The following ABCC5 variants were observed in gnomAD, a reference collection of about 807,000 sequenced individuals.
ABCC5 encodes ATP binding cassette subfamily C member 5.
A neutral mutation model predicts 160.9 loss-of-function variants in ABCC5; 61 were observed. The ratio of observed to expected loss-of-function variants is 0.38; its 90% CI spans 0.31 to 0.47. ABCC5 has a LOEUF of 0.47. ABCC5 is among the 20% of genes least tolerant of loss of function. The pLI, the probability that ABCC5 is intolerant of heterozygous loss-of-function variation, is 0.99. For synonymous variants in ABCC5, 666 were observed against 700.6 expected (o/e 0.95, Z 0.78); for missense variants, 1,308 against 1,813.3 (o/e 0.72, Z 5.06).
intron 5 of ABCC5, chr3:183,984,498 C>G (rs1719029303): frequency 9.2e-7 from 1 of 1,089,528 alleles, no homozygotes; most frequent in Admixed American, 4.7e-5. Context: ...AACCCAGACT[C>G]TCTCTGGGTT....
intron 29 of ABCC5, among the ~76,000 whole-genome samples, chr3:183,925,185 G>A (rs1284427295): frequency 6.6e-6 from 1 of 152,206 alleles, no homozygotes; most frequent in African/African-American, 2.4e-5. Context: ...CTAAGTACAT[G>A]TACCAGGGAT....
At chr3:183,972,653 T>G (rs2010085) in intron 10 of ABCC5, among the ~76,000 whole-genome samples, 5,526 of 151,002 alleles carry the variant, frequency 0.037, 330 homozygotes, top group African/African-American at 0.13. Context: ...AGAAAAATAA[T>G]TTTTTTTTTG....
Position 183,971,884 on chromosome 3 carries a change from CT to C in ABCC5, c.1439del (p.Lys480ArgfsTer11). On this transcript the variant is annotated frameshift_variant, in exon 11 of 30. Coordinates refer to ENST00000334444, the MANE Select transcript of ABCC5 (RefSeq NM_005688.4). LOFTEE classifies it high-confidence loss of function. ...LFLMEEVHMI[K>X]NKPASPHIKI... Reference sequence around the variant, plus strand: ...TGATGTGAGGACTGGCTGGTTTGTTCTTTATCATGTGAACCTCTTCCATTAG... The same window carrying C: ...TGATGTGAGGACTGGCTGGTTTGTTCTTATCATGTGAACCTCTTCCATTAG... 1 of 1,614,054 alleles carries C rather than the reference CT, an allele frequency of 6.2e-7. No individual in the cohort carries two copies. Among genetic ancestry groups the C allele is most frequent in the Non-Finnish European group, 8.5e-7 (1 of 1,180,012 alleles).
chr3:183,971,141 T>C (rs1263771621), intron 11 of ABCC5, among the ~76,000 whole-genome samples: 2 of 152,200 alleles, frequency 1.3e-5, no homozygotes, highest in Non-Finnish European at 2.9e-5. Context: ...ATATTAAGAA[T>C]AAATCATTAC....
rs370145296 is a variant in ABCC5 at position 183,928,585 on chromosome 3, C to A, written c.3933+162G>T. Among the ~76,000 whole-genome samples, 124 of 152,282 alleles carry A rather than the reference C, an allele frequency of 8.1e-4. 1 individual carries two copies. The highest frequency in any genetic ancestry group is 2.9e-3 in the African/African-American group (119 of 41,558). On this transcript the variant is annotated intron_variant, in intron 27 of 29. Coordinates refer to ENST00000334444, the MANE Select transcript of ABCC5 (RefSeq NM_005688.4). ...TGTGGGCGGTGGGGTTGAGAGGGATCAGCTTTTCCCAGGTATCTGAAAGAC... is the reference window on the plus strand; with the variant it reads ...TGTGGGCGGTGGGGTTGAGAGGGATAAGCTTTTCCCAGGTATCTGAAAGAC...
In ABCC5 at chr3:183,942,747, A is replaced by G. The variant is rs1240250807; in HGVS notation, c.3674T>C (p.Ile1225Thr). The G allele has an allele frequency of 1.2e-6, 2 of 1,613,980 alleles. No individual in the cohort carries two copies. The highest frequency in any genetic ancestry group is 1.3e-5 in the African/African-American group (1 of 74,926). The change falls in exon 25 of 30, where the codon ATT becomes ACT. Residue 1225 changes from isoleucine to threonine, a missense_variant. By Grantham distance (89) the Ile-to-Thr change is moderately conservative. Around this residue, in one of 3 missense-constraint regions of ABCC5, gnomAD observed 163 missense variants for 269.7 expected, o/e 0.60. Coordinates refer to ENST00000334444, the MANE Select transcript of ABCC5 (RefSeq NM_005688.4). ...FTIKPKEKIG[I>T]VGRTGSGKSS... is the part of the protein sequence containing the mutation. ...CTTACCTGATCCTGTCCGCCCCACA[A>G]TGCCAATCTTCTCTTTAGGTTTGAT...
chr3:184,005,908 TAAA>T (rs11429168), intron 2 of ABCC5, among the ~76,000 whole-genome samples: 2 of 147,108 alleles, frequency 1.4e-5, no homozygotes, highest in African/African-American at 5.0e-5. Flanking sequence ...TTTAGGTACT[TAAA>T]AAAAAAAAAA....
intron 24 of ABCC5, among the ~76,000 whole-genome samples, chr3:183,943,789 G>A (rs898010723): frequency 3.3e-5 from 5 of 152,120 alleles, no homozygotes; most frequent in South Asian, 2.1e-4. Context: ...ACCACTGACC[G>A]TAATCCTAAC....
chr3:183,950,943 T>C (rs1715286372), intron 20 of ABCC5, among the ~76,000 whole-genome samples: 1 of 152,240 alleles, frequency 6.6e-6, no homozygotes, highest in Non-Finnish European at 1.5e-5. Flanking sequence ...CCTTTCCAGA[T>C]AGCAGCTTTC....
At chr3:183,972,952 T>C (rs1717896526) in intron 10 of ABCC5, among the ~76,000 whole-genome samples, 1 of 150,672 alleles carries the variant, frequency 6.6e-6, no homozygotes, top group Non-Finnish European at 1.5e-5. Flanking sequence ...AGCTGAAGAA[T>C]GAACTCTTGA....
At chr3:183,927,250 C>T (rs962834149) in intron 28 of ABCC5, 80 bp downstream of exon 28, 5 of 1,413,412 alleles carry the variant, frequency 3.5e-6, no homozygotes, top group Non-Finnish European at 3.9e-6. Context: ...CCAGGAATAC[C>T]TTTGGACCCC....
intron 10 of ABCC5, among the ~76,000 whole-genome samples, chr3:183,974,503 T>G (rs1312532982): frequency 6.6e-6 from 1 of 152,072 alleles, no homozygotes; most frequent in Non-Finnish European, 1.5e-5. Context: ...GAGACGGGGT[T>G]TCATAATGTT....
intron 2 of ABCC5, chr3:184,010,611 C>T (rs1721646677): frequency 6.5e-6 from 1 of 152,970 alleles, no homozygotes; most frequent in African/African-American, 2.4e-5. Flanking sequence ...CCACAGCCTC[C>T]ACCTTCTCCT....
At position 183,959,715 on chromosome 3, in the gene ABCC5, T is replaced by A. The variant is rs1419399910; in HGVS notation, c.2482+18A>T. Reference sequence around the variant, plus strand: ...AAACTTTGATGACAAATCTAAAAATTTCAAAAAAGGCCATTACCTTCCTCT... The same window carrying A: ...AAACTTTGATGACAAATCTAAAAATATCAAAAAAGGCCATTACCTTCCTCT... On this transcript the variant is annotated intron_variant, in intron 17 of 29. Coordinates refer to ENST00000334444, the MANE Select transcript of ABCC5 (RefSeq NM_005688.4). 1.3e-6 allele frequency: 2 copies of A among 1,566,644 alleles called. No individual in the cohort carries two copies. Among genetic ancestry groups the A allele is most frequent in the Non-Finnish European group, 1.7e-6 (2 of 1,151,924 alleles).
At chr3:183,934,530 G>C (rs527901426) in intron 26 of ABCC5, among the ~76,000 whole-genome samples, 13 of 152,308 alleles carry the variant, frequency 8.5e-5, no homozygotes, top group African/African-American at 2.9e-4. Flanking sequence ...ACCCAGGACA[G>C]CAGTGTACCA....
chr3:183,925,778 T>C, intron 28 of ABCC5, 59 bp from the exon 29 acceptor site: 1 of 1,533,882 alleles, frequency 6.5e-7, no homozygotes, highest in Non-Finnish European at 8.8e-7. Context: ...TTCTGGTTAA[T>C]CTAGATTTTA....
rs776709239 is a variant in ABCC5 at position 183,988,657 on chromosome 3, G to A, written c.358C>T (p.Arg120Cys). ...AGCTCCCCCTTCTTGTGGGCCACAC[G>A]GGCCAGAGAAGAAAGCCACGAAAAA... The part of the protein sequence containing the change: ...MTFSWLSSLA[R>C]VAHKKGELSM... Residue 120 changes from arginine to cysteine, a missense_variant, in exon 4 of 30, where the codon CGT becomes TGT. Arg to Cys is a radical substitution (Grantham distance 180). Coordinates refer to ENST00000334444, the MANE Select transcript of ABCC5 (RefSeq NM_005688.4). The surrounding 1 kb of genome is among the most constrained non-coding windows in gnomAD (Gnocchi z 4.4). 20 of 1,614,096 alleles carry A rather than the reference G, an allele frequency of 1.2e-5. No homozygotes were observed. Among genetic ancestry groups the A allele is most frequent in the South Asian group, 2.2e-5 (2 of 91,090 alleles).
intron 18 of ABCC5, 39 bp from the exon 19 acceptor site, chr3:183,952,042 C>A (rs146767064): frequency 1.9e-6 from 3 of 1,586,248 alleles, no homozygotes; most frequent in East Asian, 2.3e-5. Context: ...AGACTCCTAA[C>A]GACTGCCAAG....
intron 10 of ABCC5, among the ~76,000 whole-genome samples, chr3:183,976,470 G>T (rs1718227762): frequency 6.6e-6 from 1 of 151,944 alleles, no homozygotes; most frequent in Non-Finnish European, 1.5e-5. Context: ...GCCCAGGCTG[G>T]TCTTGAACTC....
Sources: allele counts gnomAD v4.1 joint callset (sites outside exome capture counted in the v4.1 genomes callset), GRCh38; gene constraint gnomAD v4.1.1; regional missense constraint gnomAD v4.1.1; non-coding constraint Gnocchi (gnomAD v3.1); transcripts MANE v1.5; gene names NCBI Gene and HGNC (gene_info 2026-07-23, HGNC 2026-07-21).